The following PCGF3 variants were observed in gnomAD, a reference collection of about 807,000 sequenced individuals.
PCGF3 encodes polycomb group ring finger 3.
A neutral mutation model predicts 33.1 loss-of-function variants in PCGF3; 7 were observed. The ratio of observed to expected loss-of-function variants is 0.21; its 90% confidence interval spans 0.12 to 0.40. The LOEUF (loss-of-function observed/expected upper bound fraction) is 0.40, where lower values mean the gene tolerates loss of function less well. PCGF3 is among the 10% of genes least tolerant of loss of function. The pLI, the probability that PCGF3 is intolerant of heterozygous loss-of-function variation, is 1.00. For synonymous variants in PCGF3, 153 were observed against 121.3 expected (o/e 1.26, Z -1.72); for missense variants, 211 against 313.3 (o/e 0.67, Z 2.46).
chr4:723,025 A>G (rs1177699311), intron 1 of PCGF3, among the ~76,000 whole-genome samples: 40 of 92,192 alleles, frequency 4.3e-4, no homozygotes, highest in African/African-American at 1.6e-3. Context: ...ATCGCCATCC[A>G]CGCCGGGTCC....
chr4:765,387 C>T (rs551615315), intron 10 of PCGF3, among the ~76,000 whole-genome samples: 144 of 151,426 alleles, frequency 9.5e-4, no homozygotes, highest in South Asian at 4.6e-3. Context: ...GAGCCAAGAT[C>T]GTGCCACTGC....
chr4:735,787 C>T (rs918927756), intron 5 of PCGF3, among the ~76,000 whole-genome samples: 2 of 152,198 alleles, frequency 1.3e-5, no homozygotes, highest in African/African-American at 2.4e-5. Flanking sequence ...TCACAGCGAG[C>T]CTGGACTCAC....
chr4:732,268 G>A, intron 3 of PCGF3: 1 of 153,544 alleles, frequency 6.5e-6, no homozygotes, highest in Non-Finnish European at 1.4e-5. Flanking sequence ...AGTGGGCGTG[G>A]TCGTCAGGGC....
intron 3 of PCGF3, among the ~76,000 whole-genome samples, chr4:732,804 A>C (rs997126814): frequency 1.3e-5 from 2 of 152,174 alleles, no homozygotes; most frequent in African/African-American, 4.8e-5. Context: ...AAGTCCCAGT[A>C]GTGGGGTGCA....
intron 6 of PCGF3, among the ~76,000 whole-genome samples, chr4:740,979 CT>C (rs1356958090): frequency 6.6e-6 from 1 of 152,204 alleles, no homozygotes; most frequent in Non-Finnish European, 1.5e-5. Flanking sequence ...GAAAAGGGGA[CT>C]TTCAGGGCTG....
In PCGF3 at chr4:737,537, T is replaced by A. The variant is rs941507095; in HGVS notation, c.262+16T>A. 4 of 1,560,394 alleles carry A rather than the reference T, an allele frequency of 2.6e-6. No homozygotes were observed. The highest frequency in any genetic ancestry group is 3.5e-6 in the Non-Finnish European group (4 of 1,131,248). The stretch of plus-strand genomic sequence containing the variant: ...CTCCAAGAAGGTGAGTGTCTGACTG[T>A]CTTGCTGATCCCTGAGGTCCCAGCC... On this transcript the variant is annotated intron_variant, in intron 6 of 10. Coordinates refer to ENST00000362003, the Ensembl canonical transcript of PCGF3.
chr4:721,021 G>C lies in PCGF3; in HGVS notation c.-189-9609G>C, dbSNP rs76669067. 6.6e-6 allele frequency among the ~76,000 whole-genome samples: 1 copy of C among 152,160 alleles called. No individual in the cohort carries two copies. Among genetic ancestry groups the C allele is most frequent in the South Asian group, 2.1e-4 (1 of 4,830 alleles). Reference sequence around the variant, plus strand: ...GACCCCATGGGCAAGCAGGAGCTCAGATGGGAGGCATGGAGCAGACGGGAC... The same window carrying C: ...GACCCCATGGGCAAGCAGGAGCTCACATGGGAGGCATGGAGCAGACGGGAC... On this transcript the variant is annotated intron_variant, in intron 1 of 10. Transcript: ENST00000362003. This position sits in a 1 kb window ranked among gnomAD's most constrained non-coding sequence, Gnocchi z 4.1.
At chr4:749,821 C>T (rs1372287387) in intron 8 of PCGF3, among the ~76,000 whole-genome samples, 1 of 151,818 alleles carries the variant, frequency 6.6e-6, no homozygotes, top group Non-Finnish European at 1.5e-5. Flanking sequence ...AGTTAAAAGT[C>T]TTTTGTTATT....
chr4:743,494 G>C, exon 7 of PCGF3: 1 of 1,612,044 alleles, frequency 6.2e-7, no homozygotes, highest in Non-Finnish European at 8.5e-7. Flanking sequence ...AAAGCAGAGG[G>C]AGTTCTATCA....
At chr4:764,992 T>C (rs758688805) in exon 10 of PCGF3, 17 of 1,613,534 alleles carry the variant, frequency 1.1e-5, no homozygotes, top group Non-Finnish European at 1.4e-5. Context: ...AGCTGGACAT[T>C]TTATGCAACG....
At chr4:736,780 C>T (rs1290879864) in intron 5 of PCGF3, among the ~76,000 whole-genome samples, 3 of 148,620 alleles carry the variant, frequency 2.0e-5, no homozygotes, top group Non-Finnish European at 3.0e-5. Flanking sequence ...GTCCCCTGAG[C>T]GCACGGGACG....
intron 7 of PCGF3, 53 bp from the exon 8 acceptor site, chr4:744,547 A>G: frequency 7.3e-7 from 1 of 1,369,466 alleles, no homozygotes; most frequent in Non-Finnish European, 1.0e-6. Flanking sequence ...AGTTTTTTAA[A>G]TGGCTTGACA....
chr4:707,352 C>T (rs1431277653), intron 1 of PCGF3, among the ~76,000 whole-genome samples: 1 of 152,198 alleles, frequency 6.6e-6, no homozygotes, highest in Non-Finnish European at 1.5e-5. Flanking sequence ...CAGACGAGGG[C>T]CAGGACCCCA....
At chr4:707,848 G>A (rs1250854731) in intron 1 of PCGF3, among the ~76,000 whole-genome samples, 1 of 112,430 alleles carries the variant, frequency 8.9e-6, no homozygotes, top group African/African-American at 3.1e-5. Flanking sequence ...TGGGGGTCGG[G>A]ACCCTGGGAC....
intron 3 of PCGF3, among the ~76,000 whole-genome samples, chr4:731,614 T>C (rs1743568841): frequency 1.4e-5 from 1 of 71,008 alleles, no homozygotes; most frequent in Non-Finnish European, 2.9e-5. Context: ...CCTCCCCTCG[T>C]GGGTGGGCGT....
chr4:752,355 T>G (rs1387415382), intron 8 of PCGF3, among the ~76,000 whole-genome samples: 1 of 152,172 alleles, frequency 6.6e-6, no homozygotes, highest in Non-Finnish European at 1.5e-5. Context: ...TCACAGCTGT[T>G]TTTTGCTCTC....
intron 1 of PCGF3, chr4:722,452 A>T: frequency 7.4e-6 from 2 of 269,864 alleles, no homozygotes; most frequent in South Asian, 6.1e-5. Flanking sequence ...GTGGAGAGGA[A>T]GGCATATGTC....
intron 3 of PCGF3, chr4:731,455 G>C (rs764963459): frequency 1.2e-5 from 4 of 324,840 alleles, no homozygotes; most frequent in Non-Finnish European, 2.2e-5. Context: ...GCATCCTGCA[G>C]GGAGGTCCTC....
At chr4:743,042 G>A (rs1346386073) in intron 6 of PCGF3, among the ~76,000 whole-genome samples, 4 of 152,214 alleles carry the variant, frequency 2.6e-5, no homozygotes, top group African/African-American at 7.2e-5. Flanking sequence ...TCTGAGCTGC[G>A]GGTGTCCAGG....
Sources: gnomAD v4.1 joint callset for allele counts (sites outside exome capture counted in the v4.1 genomes callset) on GRCh38, gnomAD v4.1.1 for gene constraint, Gnocchi (gnomAD v3.1) non-coding constraint, MANE v1.5 for transcripts, NCBI Gene and HGNC (gene_info 2026-07-23, HGNC 2026-07-21) for gene names.